The following YEATS2 variants were observed in gnomAD, a reference collection of about 807,000 sequenced individuals.
YEATS2 encodes YEATS domain-containing protein 2.
Under a neutral mutation model 163.2 loss-of-function variants are expected in YEATS2, and 77 were observed. The ratio of observed to expected loss-of-function variants is 0.47; its 90% CI spans 0.39 to 0.57. The LOEUF is 0.57. Ranked by LOEUF, YEATS2 falls within the 20% of genes least tolerant of loss-of-function variation. The pLI is 0.00. For missense variants in YEATS2, 1,549 were observed against 1,729.8 expected, an observed-to-expected ratio of 0.90 and a Z score of 1.85; for synonymous variants, 631 against 645.1, an observed-to-expected ratio of 0.98 and a Z score of 0.33.
chr3:183,773,520 A>G (rs2108390831), intron 16 of YEATS2, 113 bp from the exon 17 acceptor site: 1 of 1,058,996 alleles, frequency 9.4e-7, no homozygotes, highest in East Asian at 2.7e-5. Flanking sequence ...CAAACTTTGA[A>G]TTTATTGCTT....
At chr3:183,793,295 C>T in intron 21 of YEATS2, 1 of 1,127,354 alleles carries the variant, frequency 8.9e-7, no homozygotes, top group Non-Finnish European at 1.1e-6. Flanking sequence ...CACACCAGGC[C>T]CCTTGTGTCT....
chr3:183,754,001 T>G, intron 10 of YEATS2, 125 bp from the exon 11 acceptor site: 1 of 1,195,122 alleles, frequency 8.4e-7, no homozygotes, highest in Non-Finnish European at 1.1e-6. Flanking sequence ...ATTGTATTTA[T>G]TTTGCTACCA....
chr3:183,793,106 C>G (rs1724812973), intron 21 of YEATS2: 1 of 1,270,794 alleles, frequency 7.9e-7, no homozygotes, highest in Admixed American at 2.3e-5. Flanking sequence ...ACTGTATTAT[C>G]TTGTTGCAGA....
At chr3:183,767,913 A>G (rs1208545111) in intron 15 of YEATS2, among the ~76,000 whole-genome samples, 2 of 152,248 alleles carry the variant, frequency 1.3e-5, no homozygotes, top group African/African-American at 4.8e-5. Context: ...AGTCAGGTGC[A>G]TGTAATGTGG....
intron 27 of YEATS2, chr3:183,806,566 C>T: frequency 2.2e-6 from 1 of 447,340 alleles, no homozygotes; most frequent in Non-Finnish European, 4.2e-6. Context: ...CAGGTCAGTC[C>T]TTAATACTCA....
Position 183,721,986 on chromosome 3 carries a change from A to G in YEATS2, c.387A>G (p.Arg129=). The stretch of plus-strand genomic sequence containing the variant: ...GGTCATCATCTCCTGCCAATCAGAG[A>G]GCAGAAACACCATCAGCCAATCATT... The part of the protein sequence containing the change: ...PSRSSSPANQ[R]AETPSANHSE... Residue 129 remains arginine (R), a synonymous_variant, in exon 5 of 31, where the codon AGA becomes AGG. Transcript: ENST00000305135. 1 of 1,614,168 alleles carries G rather than the reference A, an allele frequency of 6.2e-7. No individual in the cohort carries two copies. Among genetic ancestry groups the G allele is most frequent in the Non-Finnish European group, 8.5e-7 (1 of 1,180,034 alleles).
intron 7 of YEATS2, among the ~76,000 whole-genome samples, chr3:183,732,664 G>C (rs1298590625): frequency 6.6e-6 from 1 of 151,378 alleles, no homozygotes; most frequent in East Asian, 2.0e-4. Context: ...GGTTCACGCC[G>C]TTCTCCTGCC....
chr3:183,810,311 A>C lies in YEATS2; in HGVS notation c.4161-164A>C. On this transcript the variant is annotated intron_variant, in intron 30 of 30. Coordinates refer to ENST00000305135, the MANE Select transcript of YEATS2 (RefSeq NM_018023.5). ...ACATCCTTCTCATGCCTATGACAGGAAGGCAGTCCTCACCCCAGAGTGGCC... is the reference window on the plus strand; with the variant it reads ...ACATCCTTCTCATGCCTATGACAGGCAGGCAGTCCTCACCCCAGAGTGGCC... 6.8e-6 allele frequency: 4 copies of C among 591,332 alleles called. No individual in the cohort carries two copies. The South Asian group carries it at 8.4e-5, about 12-fold the overall frequency. The allele number at this position is 591,332 out of a possible 1,614,324, so 36.6% of individuals were successfully genotyped here.
At chr3:183,766,373 G>A (rs1721908816) in intron 15 of YEATS2, among the ~76,000 whole-genome samples, 1 of 152,234 alleles carries the variant, frequency 6.6e-6, no homozygotes, top group Non-Finnish European at 1.5e-5. Context: ...TTATCAGTGA[G>A]CACTTAACTT....
At chr3:183,758,812 CT>C in intron 12 of YEATS2, 49 bp from the exon 13 acceptor site, 1 of 1,275,266 alleles carries the variant, frequency 7.8e-7, no homozygotes, top group Non-Finnish European at 1.1e-6. Flanking sequence ...TTAAAATTAC[CT>C]TTTGTAAATT....
chr3:183,710,866 G>A (rs1042526357), intron 1 of YEATS2, among the ~76,000 whole-genome samples: 1 of 152,134 alleles, frequency 6.6e-6, no homozygotes, highest in African/African-American at 2.4e-5. Flanking sequence ...GATGCTGGAG[G>A]GGGACTCATC....
At chr3:183,806,580 G>A in intron 27 of YEATS2, 1 of 461,254 alleles carries the variant, frequency 2.2e-6, no homozygotes, top group Non-Finnish European at 4.0e-6. Flanking sequence ...ATACTCAGAG[G>A]GAGGGGGATG....
At chr3:183,729,348 A>G (rs140349493) in intron 7 of YEATS2, among the ~76,000 whole-genome samples, 52 of 152,214 alleles carry the variant, frequency 3.4e-4, no homozygotes, top group East Asian at 1.9e-3. Context: ...CTTCTATCCA[A>G]TTGTTACCAC....
At chr3:183,770,409 C>T (rs1024272824) in intron 15 of YEATS2, among the ~76,000 whole-genome samples, 1 of 152,060 alleles carries the variant, frequency 6.6e-6, no homozygotes, top group Non-Finnish European at 1.5e-5. Flanking sequence ...ACAAAAATTT[C>T]CTACTTATCA....
intron 18 of YEATS2, among the ~76,000 whole-genome samples, chr3:183,776,411 G>T (rs2108407335): frequency 6.6e-6 from 1 of 152,104 alleles, no homozygotes; most frequent in East Asian, 1.9e-4. Flanking sequence ...GGGCGTGGTG[G>T]TGCACGTCTA....
In YEATS2 at chr3:183,754,341, A is replaced by T. The variant is rs754594233; in HGVS notation, c.1366A>T (p.Thr456Ser). 1 of 1,613,908 alleles carries T rather than the reference A, an allele frequency of 6.2e-7. No homozygotes were observed. Among genetic ancestry groups the T allele is most frequent in the South Asian group, 1.1e-5 (1 of 91,054 alleles). Residue 456 changes from threonine to serine, a missense_variant, in exon 11 of 31, where the codon ACC (threonine) becomes TCC (serine). Transcript: ENST00000305135. ...ACCTGGAAAATCCTTCCAGCCCATCACCATGAGCTGCAAGATTGTGTCAGG... is the reference window on the plus strand; with the variant it reads ...ACCTGGAAAATCCTTCCAGCCCATCTCCATGAGCTGCAAGATTGTGTCAGG... ...ESPGKSFQPI[T>S]MSCKIVSGSP...
chr3:183,762,203 T>C lies in YEATS2; in HGVS notation c.1871T>C (p.Ile624Thr), dbSNP rs1721436411. Residue 624 changes from isoleucine (I) to threonine (T), a missense_variant, in exon 15 of 31, where the codon ATA becomes ACA. By Grantham distance (89) the Ile-to-Thr change is moderately conservative (BLOSUM62 -1). Coordinates refer to ENST00000305135, the MANE Select transcript of YEATS2 (RefSeq NM_018023.5). ...QYVTVKGGHM[I>T]AVSPQKQVIT... ...GTGACTGTGAAAGGGGGTCACATGA[T>C]AGCTGTGTCCCCTCAAAAACAGGTC... 1 of 1,614,174 alleles carries C rather than the reference T, an allele frequency of 6.2e-7. No individual in the cohort carries two copies.
At chr3:183,729,414 T>TTATA (rs1372843603) in intron 7 of YEATS2, among the ~76,000 whole-genome samples, 1 of 152,226 alleles carries the variant, frequency 6.6e-6, no homozygotes, top group Non-Finnish European at 1.5e-5. Flanking sequence ...CTTGTTTATA[T>TTATA]AGATACAGAT....
chr3:183,773,216 C>T (rs950721124), intron 16 of YEATS2, among the ~76,000 whole-genome samples: 2 of 152,124 alleles, frequency 1.3e-5, no homozygotes, highest in African/African-American at 2.4e-5. Context: ...CACACATTTG[C>T]CCTAACTTTG....
Sources: allele counts gnomAD v4.1 joint callset (sites outside exome capture counted in the v4.1 genomes callset), GRCh38; gene constraint gnomAD v4.1.1; transcripts MANE v1.5; gene names NCBI Gene and HGNC (gene_info 2026-07-23, HGNC 2026-07-21).